Variants in GRK5 observed in about 807,000 individuals in gnomAD.
GRK5 encodes g protein-coupled receptor kinase GRK5.
A neutral mutation model predicts 78.4 loss-of-function variants in GRK5; 40 were observed. That is an observed-to-expected ratio of 0.51 (90% CI 0.40 to 0.66). GRK5 has a LOEUF of 0.66. GRK5 is among the 30% of genes least tolerant of loss of function. The pLI is 0.00. For synonymous variants in GRK5, 289 were observed against 296.8 expected (o/e 0.97, Z 0.27); for missense variants, 598 against 759.9 (o/e 0.79, Z 2.50).
intron 10 of GRK5, among the ~76,000 whole-genome samples, chr10:119,441,026 C>G (rs1186448979): frequency 6.6e-6 from 1 of 152,222 alleles, no homozygotes; most frequent in Non-Finnish European, 1.5e-5. Flanking sequence ...GGCCCCAGAA[C>G]CTGGCAGCCC....
intron 3 of GRK5, among the ~76,000 whole-genome samples, chr10:119,385,792 G>T (rs944660064): frequency 6.6e-6 from 1 of 152,204 alleles, no homozygotes; most frequent in Non-Finnish European, 1.5e-5. Context: ...CCAGATCCTT[G>T]AGTGGCGAAG....
intron 1 of GRK5, among the ~76,000 whole-genome samples, chr10:119,295,454 A>G (rs1048364434): frequency 2.0e-5 from 3 of 152,200 alleles, no homozygotes; most frequent in Non-Finnish European, 4.4e-5. Flanking sequence ...TGATCCAGCA[A>G]TCCCACTCCT....
chr10:119,394,417 GGTGTGTGGGTAC>G (rs1851980890), intron 3 of GRK5, among the ~76,000 whole-genome samples: 1 of 40,220 alleles, frequency 2.5e-5, no homozygotes, highest in Non-Finnish European at 5.0e-5. Flanking sequence ...TGTGTGTGGG[GGTGTGTGGGTAC>G]GTGTATGGGT....
intron 10 of GRK5, among the ~76,000 whole-genome samples, chr10:119,440,990 G>A (rs1853021032): frequency 6.6e-6 from 1 of 152,188 alleles, no homozygotes; most frequent in South Asian, 2.1e-4. Flanking sequence ...GGGAGCTGAG[G>A]GCAGAAACTG....
At chr10:119,299,820 G>T (rs1028138687) in intron 1 of GRK5, among the ~76,000 whole-genome samples, 5 of 148,296 alleles carry the variant, frequency 3.4e-5, no homozygotes, top group Non-Finnish European at 7.4e-5. Context: ...GTGTGTGTGT[G>T]TGTTTAATAC....
At chr10:119,252,957 G>T (rs1269635999) in intron 1 of GRK5, among the ~76,000 whole-genome samples, 2 of 152,160 alleles carry the variant, frequency 1.3e-5, no homozygotes, top group Non-Finnish European at 2.9e-5. Context: ...CAAAGGCCAG[G>T]TGGTCTTAGG....
At chr10:119,454,443 C>A (rs1055682957) in intron 15 of GRK5, among the ~76,000 whole-genome samples, 1 of 152,210 alleles carries the variant, frequency 6.6e-6, no homozygotes, top group African/African-American at 2.4e-5. Flanking sequence ...TTGCCTCCCT[C>A]CTCCTCCCCT....
At chr10:119,229,860 G>A (rs939870807) in intron 1 of GRK5, among the ~76,000 whole-genome samples, 3 of 152,142 alleles carry the variant, frequency 2.0e-5, no homozygotes, top group South Asian at 2.1e-4. Flanking sequence ...TTTTCACCAC[G>A]GTCCAATGCA....
At chr10:119,261,419 G>A (rs1849397184) in intron 1 of GRK5, among the ~76,000 whole-genome samples, 1 of 148,690 alleles carries the variant, frequency 6.7e-6, no homozygotes, top group African/African-American at 2.5e-5. Context: ...TCCAGACTGG[G>A]CAGCCAGGCA....
intron 10 of GRK5, among the ~76,000 whole-genome samples, chr10:119,440,812 A>G (rs1271299164): frequency 2.0e-5 from 3 of 152,018 alleles, no homozygotes; most frequent in Non-Finnish European, 2.9e-5. Context: ...TGGCCTCCCT[A>G]TGTGCTGGGA....
chr10:119,415,081 CAAAA>C (rs762165768), intron 4 of GRK5, among the ~76,000 whole-genome samples: 2 of 75,730 alleles, frequency 2.6e-5, no homozygotes, highest in Non-Finnish European at 2.6e-5. Context: ...GACTCTGTCT[CAAAA>C]AAAAAAAAAA....
chr10:119,326,893 C>T (rs1331988515), intron 2 of GRK5, among the ~76,000 whole-genome samples: 1 of 152,254 alleles, frequency 6.6e-6, no homozygotes, highest in African/African-American at 2.4e-5. Context: ...TTTAATATTT[C>T]ACTTCACCTT....
At chr10:119,330,678 C>G (rs1850760723) in intron 2 of GRK5, among the ~76,000 whole-genome samples, 1 of 152,110 alleles carries the variant, frequency 6.6e-6, no homozygotes, top group African/African-American at 2.4e-5. Flanking sequence ...GATTAACTAG[C>G]CCTGCCAAGG....
intron 12 of GRK5, among the ~76,000 whole-genome samples, chr10:119,446,821 G>T (rs58821712): frequency 0.082 from 12,430 of 152,228 alleles, 750 homozygotes; most frequent in East Asian, 0.27. Context: ...TGAGCCCCAA[G>T]AGGCCAGTCT....
At position 119,253,756 on chromosome 10, in the gene GRK5, T is replaced by C. The variant is rs951953517; in HGVS notation, c.52+45787T>C. ...ATGACACAATTCCAGAAAAATGCAGTGTCTCCCAGATACGGCTTCTGGAGC... is the reference window on the plus strand; with the variant it reads ...ATGACACAATTCCAGAAAAATGCAGCGTCTCCCAGATACGGCTTCTGGAGC... On this transcript the variant is annotated intron_variant, in intron 1 of 15. Coordinates refer to ENST00000392870, the MANE Select transcript of GRK5 (RefSeq NM_005308.3). The surrounding 1 kb of genome is among the most constrained non-coding windows in gnomAD (Gnocchi z 5.7). Among the ~76,000 whole-genome samples the C allele has an allele frequency of 6.6e-6, 1 of 152,128 alleles. No homozygotes were observed. The highest frequency in any genetic ancestry group is 1.5e-5 in the Non-Finnish European group (1 of 68,022).
In GRK5 at chr10:119,321,801, G is replaced by A. The variant is rs1002602435; in HGVS notation, c.53-4715G>A. ...TTGAGGAGGAAAGTGAGCCCAGGCC[G>A]TAGCTGGAGAGTCTGCACCCTCGGC... On this transcript the variant is annotated intron_variant, in intron 1 of 15. Coordinates refer to ENST00000392870, the MANE Select transcript of GRK5 (RefSeq NM_005308.3). Among the ~76,000 whole-genome samples the A allele has an allele frequency of 4.6e-5, 7 of 152,254 alleles. No homozygotes were observed. The South Asian group carries it at 8.3e-4, about 18-fold the overall frequency.
intron 1 of GRK5, among the ~76,000 whole-genome samples, chr10:119,319,453 C>T (rs527725093): frequency 1.6e-3 from 237 of 152,362 alleles, no homozygotes; most frequent in African/African-American, 5.5e-3. Flanking sequence ...CCCTGGGCCT[C>T]GGTCACTGCC....
At position 119,458,926 on chromosome 10, in the gene GRK5, A is replaced by G. The variant is rs1853442105; in HGVS notation, c.*3859A>G. The G allele has an allele frequency of 6.6e-6, 1 of 152,064 alleles. No homozygotes were observed. The highest frequency in any genetic ancestry group is 2.1e-4 in the South Asian group (1 of 4,810). 9.4% of individuals were successfully genotyped at this position (152,064 alleles called of 1,614,324 possible). On this transcript the variant is annotated 3_prime_UTR_variant, in exon 16 of 16. Coordinates refer to ENST00000392870, the MANE Select transcript of GRK5 (RefSeq NM_005308.3). ...CAAAGGGGACGGTGGCTTCCTGGAT[A>G]ATTGGAAATCTCTGAGAAGAAGAGG...
Position 119,421,729 on chromosome 10 carries a change from A to G in GRK5, c.340-1437A>G, listed in dbSNP as rs982375508. Among the ~76,000 whole-genome samples, 37 of 152,214 alleles carry G rather than the reference A, an allele frequency of 2.4e-4. 1 individual carries two copies. Among genetic ancestry groups the G allele is most frequent in the Non-Finnish European group, 2.9e-5 (2 of 68,028 alleles). On this transcript the variant is annotated intron_variant, in intron 4 of 15. Transcript: ENST00000392870. The stretch of plus-strand genomic sequence containing the variant: ...TACTGTCACAGCAGCTCGCATCCAC[A>G]CTGCAGGCTGCCCCCCAAGAAGCTG...
Sources: gnomAD v4.1 joint callset for allele counts (sites outside exome capture counted in the v4.1 genomes callset) on GRCh38, gnomAD v4.1.1 for gene constraint, Gnocchi (gnomAD v3.1) non-coding constraint, MANE v1.5 for transcripts, NCBI Gene and HGNC (gene_info 2026-07-23, HGNC 2026-07-21) for gene names.